TUSC3: variants seen among roughly 807,000 people sequenced by gnomAD.
The protein encoded by TUSC3 is dolichyl-diphosphooligosaccharide--protein glycosyltransferase subunit TUSC3.
TUSC3 carries 45 observed loss-of-function variants against 44.8 expected under a neutral mutation model. The observed-to-expected ratio is 1.00, with a 90% CI of 0.79 to 1.29. TUSC3 has a LOEUF of 1.29. Ranked by LOEUF, TUSC3 falls within the 50% of genes most tolerant of loss-of-function variation. The pLI is 0.00. For missense variants in TUSC3, 519 were observed against 437.9 expected (o/e 1.19, Z -1.65); for synonymous variants, 212 against 152.9 (o/e 1.39, Z -2.85).
In TUSC3 at chr8:15,459,865, TGTGTGTGTGTATAC is replaced by T. The variant is rs1287670151; in HGVS notation, n.92-23520_92-23507del. Among the ~76,000 whole-genome samples the T allele has an allele frequency of 8.5e-3, 1,276 of 150,380 alleles. 20 individuals carry two copies. The highest frequency in any genetic ancestry group is 0.03 in the African/African-American group (1,197 of 40,296). ...GTGTGTGTGTGTGTGTATGTGTGTG[TGTGTGTGTGTATAC>T]ATACATACATACATACATACATACA... On this transcript the variant is annotated intron_variant and non_coding_transcript_variant, in intron 1 of 5. Coordinates refer to the TUSC3 transcript ENST00000503191.
chr8:15,814,925 G>A, the TUSC3 span, among the ~76,000 whole-genome samples: 16 of 152,064 alleles, frequency 1.1e-4, no homozygotes, highest in Non-Finnish European at 1.9e-4. Flanking sequence ...TGCTGAGTAC[G>A]GGAGAAATAT....
intron 1 of TUSC3, among the ~76,000 whole-genome samples, chr8:15,474,349 C>G (rs901249889): frequency 6.6e-6 from 1 of 152,102 alleles, no homozygotes; most frequent in African/African-American, 2.4e-5. Flanking sequence ...ACATCCTCAG[C>G]TTACAAAGAT....
chr8:15,690,566 AT>A (rs1485136685), intron 6 of TUSC3, among the ~76,000 whole-genome samples: 10 of 152,104 alleles, frequency 6.6e-5, no homozygotes, highest in Non-Finnish European at 1.5e-4. Context: ...TCATCATGAA[AT>A]CTTTGCCAGA....
intron 1 of TUSC3, among the ~76,000 whole-genome samples, chr8:15,466,146 T>C (rs1299882394): frequency 6.6e-6 from 1 of 152,148 alleles, no homozygotes; most frequent in African/African-American, 2.4e-5. Flanking sequence ...GACCTCACTA[T>C]TATTTTGAAA....
chr8:15,529,070 T>A (rs928542758), intron 2 of TUSC3, among the ~76,000 whole-genome samples: 2 of 152,206 alleles, frequency 1.3e-5, no homozygotes, highest in Non-Finnish European at 2.9e-5. Context: ...CACAAGTAAG[T>A]GACATACTGT....
Position 15,757,839 on chromosome 8 carries a change from A to T in TUSC3, c.*30A>T. ...ATGTGATTTGGACCATGGCACTTAA[A>T]AACTCTATAACCTCAGGCAAGTCTT... is the stretch of plus-strand genomic sequence containing the variant. On this transcript the variant is annotated 3_prime_UTR_variant, in exon 10 of 11. Transcript: ENST00000503731. 7.2e-7 allele frequency: 1 copy of T among 1,389,540 alleles called. No individual in the cohort carries two copies. The highest frequency in any genetic ancestry group is 1.0e-6 in the Non-Finnish European group (1 of 975,438). The allele number at this position is 1,389,540 out of a possible 1,614,324, so 86.1% of individuals were successfully genotyped here.
intron 2 of TUSC3, among the ~76,000 whole-genome samples, chr8:15,643,662 C>A (rs754149496): frequency 6.6e-6 from 1 of 152,094 alleles, no homozygotes; most frequent in Non-Finnish European, 1.5e-5. Context: ...ATTATTCAGT[C>A]AATTACAATA....
intron 2 of TUSC3, among the ~76,000 whole-genome samples, chr8:15,485,605 C>A (rs1275888693): frequency 1.3e-5 from 2 of 151,574 alleles, no homozygotes; most frequent in African/African-American, 4.9e-5. Context: ...GGGTACTTTC[C>A]CAAGGAGAAA....
At chr8:15,743,295 T>G in intron 7 of TUSC3, 3 of 512,894 alleles carry the variant, frequency 5.8e-6, no homozygotes, top group Non-Finnish European at 1.1e-5. Flanking sequence ...TCCTGGAATT[T>G]AAGAACCTTT....
At chr8:15,454,332 C>G (rs766490522) in intron 1 of TUSC3, among the ~76,000 whole-genome samples, 3 of 152,158 alleles carry the variant, frequency 2.0e-5, no homozygotes, top group African/African-American at 7.2e-5. Context: ...CTGCTTCAGC[C>G]TTATGCCCCT....
intron 1 of TUSC3, among the ~76,000 whole-genome samples, chr8:15,466,182 C>G (rs1204295010): frequency 6.6e-6 from 1 of 152,086 alleles, no homozygotes; most frequent in African/African-American, 2.4e-5. Flanking sequence ...TTGTTTTTCT[C>G]CTAAAGGCAG....
At chr8:15,528,618 AC>A (rs1316346512) in intron 2 of TUSC3, among the ~76,000 whole-genome samples, 1 of 152,186 alleles carries the variant, frequency 6.6e-6, no homozygotes, top group Non-Finnish European at 1.5e-5. Flanking sequence ...CTTCACGGCT[AC>A]CTTTCCAGTG....
At chr8:15,568,987 T>C (rs1470747746) in intron 1 of TUSC3, among the ~76,000 whole-genome samples, 1 of 152,150 alleles carries the variant, frequency 6.6e-6, no homozygotes, top group Non-Finnish European at 1.5e-5. Flanking sequence ...CTATTTTGTT[T>C]AGTAAATATT....
In TUSC3 at chr8:15,563,150, A is replaced by G. The variant is rs539706992; in HGVS notation, c.138+22582A>G. Among the ~76,000 whole-genome samples the G allele has an allele frequency of 1.8e-3, 278 of 152,254 alleles. 3 individuals carry two copies. The highest frequency in any genetic ancestry group is 6.1e-3 in the African/African-American group (252 of 41,542). On this transcript the variant is annotated intron_variant, in intron 1 of 10. Coordinates refer to ENST00000503731, the MANE Select transcript of TUSC3 (RefSeq NM_006765.4). ...CATGACAGTCAATGTATGGGACAGT[A>G]TTATTTAATATAAGACATTTACCAA...
chr8:15,821,017 C>G, the TUSC3 span, among the ~76,000 whole-genome samples: 1 of 152,076 alleles, frequency 6.6e-6, no homozygotes, highest in Non-Finnish European at 1.5e-5. Flanking sequence ...CCAGATTTCT[C>G]TCTGACATTA....
chr8:15,635,837 A>G (rs886330187), intron 2 of TUSC3, among the ~76,000 whole-genome samples: 3 of 152,122 alleles, frequency 2.0e-5, no homozygotes, highest in Admixed American at 1.3e-4. Flanking sequence ...TGATCTGGTA[A>G]GTGTAGGTTT....
intron 8 of TUSC3, among the ~76,000 whole-genome samples, chr8:15,747,574 T>G (rs949871211): frequency 6.6e-6 from 1 of 152,080 alleles, no homozygotes; most frequent in African/African-American, 2.4e-5. Context: ...TCCAAAATAC[T>G]ATATGCAAAA....
intron 1 of TUSC3, among the ~76,000 whole-genome samples, chr8:15,573,848 T>C (rs530199875): frequency 6.6e-6 from 1 of 152,176 alleles, no homozygotes; most frequent in Admixed American, 6.5e-5. Flanking sequence ...GAGAATTGTT[T>C]CGTCAGAACA....
intron 5 of TUSC3, among the ~76,000 whole-genome samples, chr8:15,672,111 A>T (rs1807974680): frequency 6.6e-6 from 1 of 152,042 alleles, no homozygotes; most frequent in South Asian, 2.1e-4. Context: ...ACCATCATGG[A>T]TGCAGGGGGA....
Sources: gnomAD v4.1 joint callset for allele counts (sites outside exome capture counted in the v4.1 genomes callset) on GRCh38, gnomAD v4.1.1 for gene constraint, MANE v1.5 for transcripts, NCBI Gene and HGNC (gene_info 2026-07-23, HGNC 2026-07-21) for gene names.